LRRC72: variants seen among roughly 807,000 people sequenced by gnomAD.
The protein encoded by LRRC72 is leucine rich repeat containing 72.
LRRC72 carries 41 observed loss-of-function variants against 35.8 expected under a neutral mutation model. The observed-to-expected ratio is 1.15, with a 90% CI of 0.89 to 1.49. LRRC72 has a LOEUF of 1.49. LRRC72 is among the 40% of genes most tolerant of loss of function. The probability of loss-of-function intolerance (pLI) is 0.00; values close to 1 mark genes in which losing one functional copy is unlikely to be tolerated. For missense variants in LRRC72, 389 were observed against 330.7 expected (o/e 1.18, Z -1.37); for synonymous variants, 118 against 119.2 (o/e 0.99, Z 0.07).
intron 7 of LRRC72, among the ~76,000 whole-genome samples, chr7:16,573,158 C>G (rs1176337279): frequency 6.6e-6 from 1 of 152,242 alleles, no homozygotes; most frequent in South Asian, 2.1e-4. Flanking sequence ...AGAGAAGACA[C>G]AAACAAATGG....
At chr7:16,566,237 T>C in intron 5 of LRRC72, 76 bp from the exon 6 acceptor site, 2 of 788,250 alleles carry the variant, frequency 2.5e-6, no homozygotes, top group Non-Finnish European at 3.5e-6. Flanking sequence ...AATCTCTTAA[T>C]TTTTTGTATT....
intron 3 of LRRC72, among the ~76,000 whole-genome samples, chr7:16,547,471 T>C (rs1211290932): frequency 6.6e-6 from 1 of 152,004 alleles, no homozygotes; most frequent in Admixed American, 6.5e-5. Flanking sequence ...AGGAGCCCCA[T>C]CCTCCTAGGC....
intron 3 of LRRC72, among the ~76,000 whole-genome samples, chr7:16,556,239 T>G (rs1182673672): frequency 6.6e-6 from 1 of 152,182 alleles, no homozygotes; most frequent in Non-Finnish European, 1.5e-5. Flanking sequence ...ATTCTAACCT[T>G]AAAAGTAAGA....
chr7:16,541,959 A>C (rs1048382532), intron 3 of LRRC72, among the ~76,000 whole-genome samples: 1 of 152,020 alleles, frequency 6.6e-6, no homozygotes, highest in Non-Finnish European at 1.5e-5. Flanking sequence ...ACACACACAC[A>C]CACACACAGC....
intron 2 of LRRC72, 92 bp downstream of exon 2, chr7:16,532,660 T>C (rs1562736119): frequency 1.9e-6 from 2 of 1,065,340 alleles, no homozygotes; most frequent in Non-Finnish European, 2.8e-6. Context: ...TTTCCATTTT[T>C]CCCCCTCAAG....
intron 1 of LRRC72, among the ~76,000 whole-genome samples, chr7:16,527,329 G>A (rs1782087604): frequency 1.3e-5 from 2 of 152,142 alleles, no homozygotes; most frequent in South Asian, 4.1e-4. Context: ...GGACTTCCCA[G>A]TCCACACCAG....
chr7:16,527,123 G>C, intron 1 of LRRC72, 81 bp downstream of exon 1: 1 of 1,098,024 alleles, frequency 9.1e-7, no homozygotes, highest in Non-Finnish European at 1.3e-6. Flanking sequence ...GAGGACTCCA[G>C]GCAGGTACTG....
In LRRC72 at chr7:16,581,383, T is replaced by A. The variant is rs768488761; in HGVS notation, c.758T>A (p.Met253Lys). ...VFVRSMKRSV[M>K]TLTSMNWDTV... The stretch of plus-strand genomic sequence containing the variant: ...GTGAGGTCCATGAAGAGATCAGTGA[T>A]GACTTTGACCTCTATGAACTGGGAC... The change falls in exon 9 of 9, where the codon ATG becomes AAG. Residue 253 changes from methionine to lysine, a missense_variant. Coordinates refer to ENST00000401542, the MANE Select transcript of LRRC72 (RefSeq NM_001195280.2). 13 of 1,549,658 alleles carry A rather than the reference T, an allele frequency of 8.4e-6. No homozygotes were observed. The South Asian group carries it at 1.4e-4, about 17-fold the overall frequency.
intron 2 of LRRC72, among the ~76,000 whole-genome samples, chr7:16,534,432 A>G (rs2128334653): frequency 6.6e-6 from 1 of 152,308 alleles, no homozygotes; most frequent in East Asian, 1.9e-4. Context: ...TGGGCTCGTA[A>G]AAGTTTTTTA....
At chr7:16,531,124 A>G (rs1782153900) in intron 1 of LRRC72, among the ~76,000 whole-genome samples, 1 of 151,618 alleles carries the variant, frequency 6.6e-6, no homozygotes. Context: ...CAGAGGTTGC[A>G]GTGAGCTGAA....
intron 3 of LRRC72, among the ~76,000 whole-genome samples, chr7:16,549,386 T>C (rs1365264620): frequency 1.3e-5 from 2 of 152,020 alleles, no homozygotes; most frequent in African/African-American, 4.8e-5. Context: ...TTCAGAAAGT[T>C]CTCAAAATCA....
chr7:16,541,611 CT>C (rs571007122), intron 3 of LRRC72, among the ~76,000 whole-genome samples: 2 of 152,300 alleles, frequency 1.3e-5, no homozygotes, highest in Non-Finnish European at 2.9e-5. Context: ...ATTCAAAACA[CT>C]TTTAAAAAAA....
chr7:16,544,186 T>G (rs1782405907), intron 3 of LRRC72, among the ~76,000 whole-genome samples: 1 of 152,178 alleles, frequency 6.6e-6, no homozygotes, highest in African/African-American at 2.4e-5. Flanking sequence ...TTTGGTAAAT[T>G]TGAAGCCTAG....
In LRRC72 at chr7:16,548,685, C is replaced by G. The variant is rs1209338963; in HGVS notation, c.235-8675C>G. On this transcript the variant is annotated intron_variant, in intron 3 of 8. Coordinates refer to ENST00000401542, the MANE Select transcript of LRRC72 (RefSeq NM_001195280.2). ...CTCAGTGCTCTGTGCCTGGCTCACT[C>G]TTGACAGGCATGGGATCCAAGCTGG... Among the ~76,000 whole-genome samples the G allele has an allele frequency of 4.6e-5, 7 of 152,246 alleles. No individual in the cohort carries two copies. In the East Asian group the frequency reaches 1.3e-3, roughly 29 times the overall value.
At chr7:16,559,193 A>C (rs1458588970) in intron 5 of LRRC72, among the ~76,000 whole-genome samples, 194 bp downstream of exon 5, 1 of 152,154 alleles carries the variant, frequency 6.6e-6, no homozygotes, top group Non-Finnish European at 1.5e-5. Context: ...CAGGAGTTCA[A>C]CACCAGCCTG....
intron 3 of LRRC72, among the ~76,000 whole-genome samples, chr7:16,537,974 G>A (rs1782291957): frequency 6.6e-6 from 1 of 152,094 alleles, no homozygotes; most frequent in Non-Finnish European, 1.5e-5. Flanking sequence ...CCACTTAGTG[G>A]AAGCTATTCC....
chr7:16,543,926 G>T lies in LRRC72; in HGVS notation c.234+6230G>T, dbSNP rs1365701476. ...CGTGGTGATATGAGAGAAAATTAAT[G>T]ATGTTTCTTTATTTGCCAATTTGAG... On this transcript the variant is annotated intron_variant, in intron 3 of 8. Coordinates refer to ENST00000401542, the MANE Select transcript of LRRC72 (RefSeq NM_001195280.2). Among the ~76,000 whole-genome samples the T allele has an allele frequency of 2.0e-5, 3 of 152,176 alleles. No homozygotes were observed. In the East Asian group the frequency reaches 5.8e-4, roughly 29 times the overall value.
chr7:16,570,422 C>G (rs937752829), intron 7 of LRRC72, among the ~76,000 whole-genome samples: 4 of 152,224 alleles, frequency 2.6e-5, no homozygotes, highest in Admixed American at 1.3e-4. Flanking sequence ...AACTTTCACA[C>G]TTTTAAATAA....
At chr7:16,538,860 A>G (rs1002867318) in intron 3 of LRRC72, among the ~76,000 whole-genome samples, 2 of 152,130 alleles carry the variant, frequency 1.3e-5, no homozygotes, top group African/African-American at 4.8e-5. Context: ...ACCTTCTGTC[A>G]TGACTGTAAG....
Sources: gnomAD v4.1 joint callset for allele counts (sites outside exome capture counted in the v4.1 genomes callset) on GRCh38, gnomAD v4.1.1 for gene constraint, MANE v1.5 for transcripts, NCBI Gene and HGNC (gene_info 2026-07-23, HGNC 2026-07-21) for gene names.